Variants in NFASC observed in about 807,000 individuals in gnomAD.
NFASC encodes neurofascin homolog.
Under a neutral mutation model 147.5 loss-of-function variants are expected in NFASC, and 43 were observed. The observed-to-expected ratio is 0.29, with a 90% CI of 0.23 to 0.38. NFASC has a LOEUF of 0.38. Ranked by LOEUF, NFASC falls within the 10% of genes least tolerant of loss-of-function variation. The probability of loss-of-function intolerance (pLI) is 1.00; values close to 1 mark genes in which losing one functional copy is unlikely to be tolerated. For missense variants in NFASC, 1,320 were observed against 1,689.0 expected, an observed-to-expected ratio of 0.78 and a Z score of 3.83; for synonymous variants, 622 against 665.5, an observed-to-expected ratio of 0.93 and a Z score of 1.01.
At chr1:204,870,613 C>T (rs1313965477) in intron 1 of NFASC, 1 of 975,718 alleles carries the variant, frequency 1.0e-6, no homozygotes, top group African/African-American at 1.7e-5. Context: ...GGAGCACAGC[C>T]TGGCTTGTGT....
At position 204,968,277 on chromosome 1, in the gene NFASC, C is replaced by A; in HGVS notation, c.735C>A (p.Ser245Arg). The A allele has an allele frequency of 6.2e-7, 1 of 1,614,156 alleles. No individual in the cohort carries two copies. The highest frequency in any genetic ancestry group is 1.1e-5 in the South Asian group (1 of 91,082). Residue 245 changes from serine (S) to arginine (R), a missense_variant, in exon 9 of 30, where the codon AGC becomes AGA. Ser to Arg is a moderately radical substitution (Grantham distance 110). Coordinates refer to ENST00000339876, the MANE Select transcript of NFASC (RefSeq NM_001005388.3). The surrounding 1 kb of genome is among the most constrained non-coding windows in gnomAD (Gnocchi z 5.4). The part of the protein sequence containing the change: ...TTRGVAERTP[S>R]FMYPQGTASS... ...GAGGAGTTGCAGAAAGAACACCAAGCTTCATGTATCCCCAGGGCACCGCGA... is the reference window on the plus strand; with the variant it reads ...GAGGAGTTGCAGAAAGAACACCAAGATTCATGTATCCCCAGGGCACCGCGA...
rs561223645 is a variant in NFASC at position 204,845,620 on chromosome 1, G to A, written c.-200+16838G>A. On this transcript the variant is annotated intron_variant, in intron 1 of 29. Transcript: ENST00000339876. ...GTGGAACCTTGAAAGATGAAACTCT[G>A]GCCAGGCATGGTGGTTCACACCTAT... Among the ~76,000 whole-genome samples, 170 of 152,230 alleles carry A rather than the reference G, an allele frequency of 1.1e-3. 1 individual carries two copies. The highest frequency in any genetic ancestry group is 3.9e-3 in the African/African-American group (161 of 41,526).
At chr1:204,991,160 C>T (rs1001770466) in intron 23 of NFASC, 132 bp from the exon 24 acceptor site, 1 of 1,055,646 alleles carries the variant, frequency 9.5e-7, no homozygotes. Context: ...CCTGGCCACG[C>T]CGTCTGCATA....
At chr1:204,885,975 C>T (rs2081241625) in intron 1 of NFASC, among the ~76,000 whole-genome samples, 1 of 152,212 alleles carries the variant, frequency 6.6e-6, no homozygotes, top group African/African-American at 2.4e-5. Context: ...TTATCCGAAA[C>T]ACGTCTGAGC....
chr1:204,887,511 T>C (rs1172260188), intron 1 of NFASC, among the ~76,000 whole-genome samples: 3 of 151,772 alleles, frequency 2.0e-5, no homozygotes, highest in Non-Finnish European at 4.4e-5. Context: ...TTGGCATATC[T>C]GTACCTGGAT....
At chr1:204,922,889 A>G (rs1053368144) in intron 2 of NFASC, among the ~76,000 whole-genome samples, 1 of 152,230 alleles carries the variant, frequency 6.6e-6, no homozygotes, top group Non-Finnish European at 1.5e-5. Context: ...AATCGTCATC[A>G]TTATAATAAT....
At chr1:204,985,865 A>C in intron 21 of NFASC, 1 of 1,356,332 alleles carries the variant, frequency 7.4e-7, no homozygotes, top group Non-Finnish European at 1.0e-6. Flanking sequence ...CAACTAACCC[A>C]GCCCTGCCTG....
intron 8 of NFASC, chr1:204,962,193 C>A: frequency 1.3e-6 from 2 of 1,570,650 alleles, no homozygotes; most frequent in Non-Finnish European, 1.7e-6. Context: ...AGTAACCTTG[C>A]CTGTGCTAAC....
chr1:204,938,357 G>C (rs1399236403), intron 2 of NFASC, among the ~76,000 whole-genome samples: 2 of 152,208 alleles, frequency 1.3e-5, no homozygotes, highest in Non-Finnish European at 2.9e-5. Context: ...CCACTCAGGG[G>C]CAGCAGCTGA....
At chr1:204,840,016 T>C (rs1023728621) in intron 1 of NFASC, among the ~76,000 whole-genome samples, 1 of 152,168 alleles carries the variant, frequency 6.6e-6, no homozygotes, top group African/African-American at 2.4e-5. Flanking sequence ...GAAGAACTTT[T>C]CTGGCTGCCT....
At chr1:204,982,421 A>G (rs1312580853) in intron 21 of NFASC, among the ~76,000 whole-genome samples, 4 of 152,174 alleles carry the variant, frequency 2.6e-5, no homozygotes, top group African/African-American at 9.7e-5. Flanking sequence ...TACCCATCCT[A>G]AAGAGCTATA....
intron 1 of NFASC, among the ~76,000 whole-genome samples, chr1:204,846,952 C>CGTGTGTGTGTCTGTGTGTGT (rs1034512647): frequency 6.7e-4 from 84 of 124,650 alleles, no homozygotes; most frequent in East Asian, 4.7e-3. Flanking sequence ...TGTGTGTACG[C>CGTGTGTGTGTCTGTGTGTGT]GTGTGTGTGT....
intron 1 of NFASC, among the ~76,000 whole-genome samples, chr1:204,857,919 CTTTT>C (rs58996261): frequency 8.2e-6 from 1 of 122,570 alleles, no homozygotes; most frequent in Admixed American, 8.7e-5. Flanking sequence ...TCTTCTTCTT[CTTTT>C]TTTTTTTTTT....
chr1:204,990,195 C>T (rs967794311), intron 23 of NFASC: 6 of 152,266 alleles, frequency 3.9e-5, no homozygotes, highest in African/African-American at 9.6e-5. Context: ...AGTCACACAA[C>T]CAGCTCTCCC....
chr1:205,009,784 TCAGTGAAGC>T, intron 28 of NFASC, 96 bp downstream of exon 28: 1 of 1,320,974 alleles, frequency 7.6e-7, no homozygotes, highest in Non-Finnish European at 1.1e-6. Context: ...ATGTGTTCTC[TCAGTGAAGC>T]CAGCCCTTGC....
intron 27 of NFASC, among the ~76,000 whole-genome samples, chr1:205,004,179 G>C (rs1012905868): frequency 2.0e-5 from 3 of 152,228 alleles, no homozygotes; most frequent in African/African-American, 4.8e-5. Context: ...GATGATATTT[G>C]AAAATAGAGT....
In NFASC at chr1:204,988,743, G is replaced by A. The variant is rs751135495; in HGVS notation, c.2704G>A (p.Ala902Thr). ...PVSRYRFTLS[A>T]RTQVGSGEAV... ...GTCACGCTACCGCTTTACCCTCAGCGCCAGGACGCAGGTGGGCTCTGGGGA... is the reference window on the plus strand; with the variant it reads ...GTCACGCTACCGCTTTACCCTCAGCACCAGGACGCAGGTGGGCTCTGGGGA... The change falls in exon 23 of 30, where the codon GCC becomes ACC. Residue 902 changes from alanine to threonine, a missense_variant. By Grantham distance (58) the Ala-to-Thr change is moderately conservative. Coordinates refer to ENST00000339876, the MANE Select transcript of NFASC (RefSeq NM_001005388.3). The A allele has an allele frequency of 1.2e-5, 19 of 1,614,100 alleles. No individual in the cohort carries two copies. Among genetic ancestry groups the A allele is most frequent in the South Asian group, 2.2e-5 (2 of 91,086 alleles).
chr1:204,993,695 A>G (rs2095789679), intron 24 of NFASC: 6 of 495,962 alleles, frequency 1.2e-5, no homozygotes, highest in South Asian at 8.8e-5. Flanking sequence ...GATGGTCTCC[A>G]CTGAGCACTG....
intron 1 of NFASC, among the ~76,000 whole-genome samples, chr1:204,877,100 T>C (rs1249128796): frequency 7.3e-6 from 1 of 137,594 alleles, no homozygotes; most frequent in African/African-American, 2.7e-5. Context: ...TTTATATATT[T>C]ATATATAAAT....
Sources: gnomAD v4.1 joint callset for allele counts (sites outside exome capture counted in the v4.1 genomes callset) on GRCh38, gnomAD v4.1.1 for gene constraint, Gnocchi (gnomAD v3.1) non-coding constraint, MANE v1.5 for transcripts, NCBI Gene and HGNC (gene_info 2026-07-23, HGNC 2026-07-21) for gene names.